Variants in METTL16 observed in about 807,000 individuals in gnomAD.
METTL16 encodes the protein methyltransferase 16, RNA N6-adenosine, also known as RNA N(6)-adenosine-methyltransferase METTL16.
METTL16 carries 19 observed loss-of-function variants against 57.9 expected under a neutral mutation model. The ratio of observed to expected loss-of-function variants is 0.33; its 90% CI spans 0.23 to 0.48. The LOEUF is 0.48. Ranked by LOEUF, METTL16 falls within the 20% of genes least tolerant of loss-of-function variation. METTL16 has a pLI of 0.99. For synonymous variants in METTL16, 246 were observed against 255.6 expected (o/e 0.96, Z 0.36); for missense variants, 434 against 691.5 (o/e 0.63, Z 4.18).
chr17:2,429,123 G>A (rs1041883189), intron 8 of METTL16, among the ~76,000 whole-genome samples: 27 of 151,456 alleles, frequency 1.8e-4, no homozygotes, highest in African/African-American at 5.6e-4. Context: ...CTCCCAAAGC[G>A]CTGGGATTAC....
intron 2 of METTL16, among the ~76,000 whole-genome samples, chr17:2,492,334 C>T (rs926481109): frequency 6.6e-6 from 1 of 152,118 alleles, no homozygotes; most frequent in African/African-American, 2.4e-5. Context: ...TGAAAAAACA[C>T]AAACTAAAAT....
intron 6 of METTL16, among the ~76,000 whole-genome samples, chr17:2,442,494 G>C (rs1255980617): frequency 6.9e-6 from 1 of 144,248 alleles, no homozygotes; most frequent in African/African-American, 2.7e-5. Flanking sequence ...GAAGAAGAAA[G>C]GAAAAAAAAA....
chr17:2,506,037 G>C (rs1454863729), intron 1 of METTL16, among the ~76,000 whole-genome samples: 1 of 151,678 alleles, frequency 6.6e-6, no homozygotes, highest in Admixed American at 6.6e-5. Context: ...GCGCAATCTT[G>C]GCTCACTGCA....
chr17:2,505,624 T>C (rs557257175), intron 1 of METTL16, among the ~76,000 whole-genome samples: 1 of 152,020 alleles, frequency 6.6e-6, no homozygotes, highest in South Asian at 2.1e-4. Context: ...ACTCCTGAGC[T>C]TAAGCAATCC....
At chr17:2,469,425 A>C (rs1382766683) in intron 4 of METTL16, among the ~76,000 whole-genome samples, 1 of 152,194 alleles carries the variant, frequency 6.6e-6, no homozygotes, top group East Asian at 1.9e-4. Context: ...CTTTAACGGA[A>C]AAAAAATTAA....
At chr17:2,439,093 G>C (rs982368404) in intron 7 of METTL16, among the ~76,000 whole-genome samples, 5 of 152,024 alleles carry the variant, frequency 3.3e-5, no homozygotes, top group African/African-American at 9.7e-5. Flanking sequence ...GTGGCGGTGG[G>C]AGTATTTATT....
intron 4 of METTL16, among the ~76,000 whole-genome samples, chr17:2,471,633 C>CA (rs1320240845): frequency 3.3e-5 from 5 of 151,912 alleles, no homozygotes; most frequent in African/African-American, 9.7e-5. Context: ...ACTGAAAATA[C>CA]AAAAAATTGG....
Position 2,420,159 on chromosome 17 carries a change from C to T in METTL16, c.1500G>A (p.Val500=), listed in dbSNP as rs1343827711. The change falls in exon 10 of 10, where the codon GTG becomes GTA. Residue 500 remains valine (V), a synonymous_variant. Transcript: ENST00000263092. This position sits in a 1 kb window ranked among gnomAD's most constrained non-coding sequence, Gnocchi z 5.4. ...CTGGGAGACGTTTCCCCCTTTCAGC[C>T]ACTGGGCTGCCGAACTGCTCAGAAG... ...QEASEQFGSP[V]AERGKRLPGV... The T allele has an allele frequency of 5.0e-6, 8 of 1,614,252 alleles. No individual in the cohort carries two copies. Among genetic ancestry groups the T allele is most frequent in the East Asian group, 2.2e-5 (1 of 44,884 alleles).
At chr17:2,461,587 T>TA (rs1171922246) in intron 6 of METTL16, among the ~76,000 whole-genome samples, 2 of 149,630 alleles carry the variant, frequency 1.3e-5, no homozygotes. Context: ...TTTTTTTTTT[T>TA]TTTTTTTCAG....
intron 2 of METTL16, among the ~76,000 whole-genome samples, chr17:2,501,707 C>T (rs542335460): frequency 3.3e-5 from 5 of 151,904 alleles, no homozygotes; most frequent in Admixed American, 1.3e-4. Flanking sequence ...AAAATACAGA[C>T]GTTGGCTGAG....
At chr17:2,428,895 G>C in intron 8 of METTL16, among the ~76,000 whole-genome samples, 4 of 152,146 alleles carry the variant, frequency 2.6e-5, no homozygotes, top group Admixed American at 2.6e-4. Context: ...TTTTGCTCTT[G>C]TTGCCCAGGC....
chr17:2,488,910 C>T (rs2067363475), intron 2 of METTL16, among the ~76,000 whole-genome samples: 1 of 152,130 alleles, frequency 6.6e-6, no homozygotes, highest in Non-Finnish European at 1.5e-5. Flanking sequence ...CTCTCTGATA[C>T]AGAAGACTTA....
chr17:2,489,610 G>C (rs1282837422), intron 2 of METTL16, among the ~76,000 whole-genome samples: 1 of 150,134 alleles, frequency 6.7e-6, no homozygotes, highest in Non-Finnish European at 1.5e-5. Context: ...GTGGTGGCAC[G>C]TGCCTGTAAC....
At chr17:2,496,450 C>G (rs750809640) in intron 2 of METTL16, among the ~76,000 whole-genome samples, 1 of 151,534 alleles carries the variant, frequency 6.6e-6, no homozygotes, top group Non-Finnish European at 1.5e-5. Context: ...AGACGTGCAC[C>G]ACTATACCCT....
At chr17:2,507,227 C>T (rs1175417453) in intron 1 of METTL16, among the ~76,000 whole-genome samples, 10 of 148,878 alleles carry the variant, frequency 6.7e-5, no homozygotes, top group Non-Finnish European at 3.0e-5. Flanking sequence ...GCCCGGCCAG[C>T]CGCCCCGACC....
chr17:2,503,394 AAAT>A (rs147633691), intron 1 of METTL16, among the ~76,000 whole-genome samples: 1,523 of 152,204 alleles, frequency 0.01, 26 homozygotes, highest in African/African-American at 0.035. Context: ...TCCATACCCT[AAAT>A]ATGGATCAAC....
intron 2 of METTL16, among the ~76,000 whole-genome samples, chr17:2,478,534 A>G (rs2067282483): frequency 6.6e-6 from 1 of 152,216 alleles, no homozygotes; most frequent in Admixed American, 6.5e-5. Flanking sequence ...TAAGTGTACA[A>G]TTGAATAGTT....
intron 2 of METTL16, among the ~76,000 whole-genome samples, chr17:2,498,366 A>G (rs549505409): frequency 6.7e-6 from 1 of 149,110 alleles, no homozygotes; most frequent in African/African-American, 2.5e-5. Context: ...GAGCCGAGAC[A>G]GCGCCACTGC....
chr17:2,435,442 G>C (rs998235831), intron 8 of METTL16, among the ~76,000 whole-genome samples: 1 of 152,118 alleles, frequency 6.6e-6, no homozygotes, highest in Admixed American at 6.6e-5. Context: ...AGGGTGGGGA[G>C]AGAGGTCTAG....
Sources: gnomAD v4.1 joint callset for allele counts (sites outside exome capture counted in the v4.1 genomes callset) on GRCh38, gnomAD v4.1.1 for gene constraint, Gnocchi (gnomAD v3.1) non-coding constraint, MANE v1.5 for transcripts, NCBI Gene and HGNC (gene_info 2026-07-23, HGNC 2026-07-21) for gene names.